The following PRKG1 variants were observed in gnomAD, a reference collection of about 807,000 sequenced individuals.
PRKG1 encodes protein kinase cGMP-dependent 1.
In PRKG1, 35 loss-of-function variants were observed where a neutral mutation model predicts 88.1. The ratio of observed to expected loss-of-function variants is 0.40; its 90% CI spans 0.30 to 0.53. The LOEUF (loss-of-function observed/expected upper bound fraction) is 0.53. Among genes scored for constraint, PRKG1 ranks in the 20% least tolerant of loss-of-function variants. The probability of loss-of-function intolerance (pLI) is 0.59; values close to 1 mark genes in which losing one functional copy is unlikely to be tolerated. For synonymous variants in PRKG1, 303 were observed against 292.5 expected, an observed-to-expected ratio of 1.04 and a Z score of -0.37; for missense variants, 540 against 839.8, an observed-to-expected ratio of 0.64 and a Z score of 4.41.
intron 5 of PRKG1, among the ~76,000 whole-genome samples, chr10:51,985,018 T>A (rs977163100): frequency 7.9e-5 from 12 of 152,216 alleles, no homozygotes; most frequent in African/African-American, 2.4e-4. Flanking sequence ...TAAATTATTT[T>A]ATTTCCTTTT....
chr10:51,932,243 T>A (rs1301462793), intron 5 of PRKG1, among the ~76,000 whole-genome samples: 1 of 151,794 alleles, frequency 6.6e-6, no homozygotes, highest in Non-Finnish European at 1.5e-5. Context: ...TAACTATCAA[T>A]AAAATCATTT....
chr10:52,228,474 G>GTTTA (rs1326005605), intron 9 of PRKG1, among the ~76,000 whole-genome samples: 1 of 152,040 alleles, frequency 6.6e-6, no homozygotes, highest in Non-Finnish European at 1.5e-5. Flanking sequence ...TCCCCACTGG[G>GTTTA]TAAACTGATG....
intron 7 of PRKG1, among the ~76,000 whole-genome samples, chr10:52,078,060 C>T (rs12413063): frequency 0.081 from 12,396 of 152,244 alleles, 705 homozygotes; most frequent in South Asian, 0.19. Flanking sequence ...TGCTGCAAGC[C>T]TGCTTCCCAT....
intron 17 of PRKG1, among the ~76,000 whole-genome samples, chr10:52,291,333 C>A (rs1026930340): frequency 2.3e-4 from 34 of 151,076 alleles, no homozygotes; most frequent in African/African-American, 7.5e-4. Context: ...TATACATGTG[C>A]CATGCTGGTG....
chr10:51,342,011 C>T (rs907373784), intron 2 of PRKG1, among the ~76,000 whole-genome samples: 1 of 152,120 alleles, frequency 6.6e-6, no homozygotes, highest in African/African-American at 2.4e-5. Context: ...GGGATTATTA[C>T]AAGTCAAGGT....
chr10:51,794,212 A>G (rs1838948913), intron 3 of PRKG1, among the ~76,000 whole-genome samples: 1 of 152,190 alleles, frequency 6.6e-6, no homozygotes, highest in Non-Finnish European at 1.5e-5. Context: ...AACAAATGTT[A>G]ATAGCTCTGA....
At chr10:51,706,747 G>A (rs1247893531) in intron 3 of PRKG1, among the ~76,000 whole-genome samples, 6 of 152,084 alleles carry the variant, frequency 3.9e-5, no homozygotes, top group Admixed American at 3.3e-4. Context: ...AGTTCAACAC[G>A]TAATTTTGTG....
chr10:51,041,770 G>A lies in PRKG1; in HGVS notation c.266+50126G>A, dbSNP rs1843427108. On this transcript the variant is annotated intron_variant, in intron 1 of 17. Coordinates refer to the PRKG1 transcript ENST00000401604. ...ATGGAGGAAATCAGAATGTTACTGA[G>A]AAAGGGCATGGTTATGAGGAGTGGT... Among the ~76,000 whole-genome samples the A allele has an allele frequency of 2.6e-5, 4 of 152,318 alleles. No individual in the cohort carries two copies. In the South Asian group the frequency reaches 8.3e-4, roughly 32 times the overall value.
intron 3 of PRKG1, among the ~76,000 whole-genome samples, chr10:51,611,260 GT>G (rs1172942218): frequency 6.6e-6 from 1 of 151,876 alleles, no homozygotes; most frequent in Admixed American, 6.6e-5. Flanking sequence ...ATAACAATTT[GT>G]CACTCCACAT....
At chr10:52,193,563 C>CAAAAAAAAA (rs67349420) in intron 9 of PRKG1, among the ~76,000 whole-genome samples, 1 of 118,522 alleles carries the variant, frequency 8.4e-6, no homozygotes, top group African/African-American at 3.3e-5. Flanking sequence ...AAAAAAAAAA[C>CAAAAAAAAA]AAAAAAAAAA....
At chr10:51,023,870 AT>A in intron 1 of PRKG1, among the ~76,000 whole-genome samples, 1 of 152,230 alleles carries the variant, frequency 6.6e-6, no homozygotes, top group East Asian at 1.9e-4. Context: ...TCACTTTAAA[AT>A]TTAGCCAAGA....
At chr10:51,232,195 CTAAAAG>C (rs1838863254) in intron 2 of PRKG1, among the ~76,000 whole-genome samples, 1 of 152,150 alleles carries the variant, frequency 6.6e-6, no homozygotes, top group African/African-American at 2.4e-5. Context: ...ATCCAGGACT[CTAAAAG>C]TAGAACAGAC....
chr10:52,188,209 T>TAC (rs1348410473), intron 9 of PRKG1, among the ~76,000 whole-genome samples: 2 of 58,552 alleles, frequency 3.4e-5, no homozygotes, highest in Admixed American at 2.9e-4. Flanking sequence ...TGTATATATA[T>TAC]ATGTGTATAT....
chr10:52,293,333 T>C (rs554741990), intron 17 of PRKG1, among the ~76,000 whole-genome samples: 2 of 151,636 alleles, frequency 1.3e-5, no homozygotes, highest in South Asian at 2.1e-4. Context: ...ATGGCCATAC[T>C]GCCCAAGGTA....
intron 2 of PRKG1, among the ~76,000 whole-genome samples, chr10:51,398,978 C>G (rs998160622): frequency 1.3e-5 from 2 of 152,118 alleles, no homozygotes; most frequent in African/African-American, 2.4e-5. Flanking sequence ...GGTTCTCAAG[C>G]CTTGGATTCA....
intron 3 of PRKG1, among the ~76,000 whole-genome samples, chr10:51,652,009 G>A (rs1840051498): frequency 6.6e-6 from 1 of 152,140 alleles, no homozygotes; most frequent in Non-Finnish European, 1.5e-5. Context: ...TTAGTTTAGA[G>A]AAGAGATTTC....
At chr10:51,589,494 TG>T (rs1838254949) in intron 3 of PRKG1, among the ~76,000 whole-genome samples, 1 of 152,050 alleles carries the variant, frequency 6.6e-6, no homozygotes, top group Admixed American at 6.5e-5. Context: ...TGTGGTGGCA[TG>T]TGCCTGTAAT....
At chr10:51,019,511 G>A (rs1843107250) in intron 1 of PRKG1, among the ~76,000 whole-genome samples, 4 of 151,976 alleles carry the variant, frequency 2.6e-5, no homozygotes, top group Admixed American at 2.6e-4. Flanking sequence ...TGGATCAAAG[G>A]CCTAAATGTA....
At chr10:51,411,945 G>A (rs1267967511) in intron 2 of PRKG1, among the ~76,000 whole-genome samples, 1 of 151,980 alleles carries the variant, frequency 6.6e-6, no homozygotes, top group African/African-American at 2.4e-5. Flanking sequence ...TAAAACCATA[G>A]CATGAGGTAT....
Sources: gnomAD v4.1 joint callset for allele counts (sites outside exome capture counted in the v4.1 genomes callset) on GRCh38, gnomAD v4.1.1 for gene constraint, MANE v1.5 for transcripts, NCBI Gene and HGNC (gene_info 2026-07-23, HGNC 2026-07-21) for gene names.